Variants in RAD51B observed in about 807,000 individuals in gnomAD.
RAD51B encodes DNA repair protein RAD51 homolog 2.
RAD51B carries 38 observed loss-of-function variants against 42.2 expected under a neutral mutation model. The ratio of observed to expected loss-of-function variants is 0.90; its 90% CI spans 0.70 to 1.18. RAD51B has a LOEUF of 1.18. Ranked by LOEUF, RAD51B falls within the 50% of genes most tolerant of loss-of-function variation. RAD51B has a pLI of 0.00. For missense variants in RAD51B, 373 were observed against 400.7 expected (o/e 0.93, Z 0.59); for synonymous variants, 154 against 145.2 (o/e 1.06, Z -0.43).
chr14:67,991,111 A>T (rs1277281601), intron 7 of RAD51B, among the ~76,000 whole-genome samples: 1 of 152,174 alleles, frequency 6.6e-6, no homozygotes, highest in Non-Finnish European at 1.5e-5. Context: ...AAATCTGGGA[A>T]ACTCATTTTT....
intron 10 of RAD51B, among the ~76,000 whole-genome samples, chr14:68,644,397 A>C (rs4902624): frequency 0.9 from 137,410 of 152,178 alleles, 62,256 homozygotes; most frequent in African/African-American, 0.97. Flanking sequence ...CACTCCTCTG[A>C]CCCTCTGAGG....
At chr14:68,326,307 TAGGATTAC>T (rs1196929838) in intron 8 of RAD51B, among the ~76,000 whole-genome samples, 2 of 152,144 alleles carry the variant, frequency 1.3e-5, no homozygotes, top group Non-Finnish European at 2.9e-5. Flanking sequence ...CCCAGAGTGC[TAGGATTAC>T]AGGCATGAGC....
At chr14:68,376,636 C>T (rs1052894836) in intron 8 of RAD51B, among the ~76,000 whole-genome samples, 4 of 152,162 alleles carry the variant, frequency 2.6e-5, no homozygotes, top group African/African-American at 9.7e-5. Flanking sequence ...CGCATTCCTC[C>T]CTGGTATTCA....
intron 10 of RAD51B, among the ~76,000 whole-genome samples, chr14:68,623,752 T>C (rs1283684011): frequency 6.6e-6 from 1 of 152,068 alleles, no homozygotes; most frequent in African/African-American, 2.4e-5. Flanking sequence ...GCAGACTTCT[T>C]AGAAGGTAAT....
At chr14:68,656,992 G>A (rs1292943217) in intron 11 of RAD51B, among the ~76,000 whole-genome samples, 1 of 152,212 alleles carries the variant, frequency 6.6e-6, no homozygotes, top group Non-Finnish European at 1.5e-5. Context: ...AAACAGGAAA[G>A]AGCCTCAGTA....
At chr14:67,994,337 T>A (rs1222835429) in intron 7 of RAD51B, among the ~76,000 whole-genome samples, 1 of 152,132 alleles carries the variant, frequency 6.6e-6, no homozygotes, top group Admixed American at 6.5e-5. Flanking sequence ...AAAAGAAAGC[T>A]TTTGTAATAT....
At chr14:68,004,524 A>T (rs1482497242) in intron 7 of RAD51B, among the ~76,000 whole-genome samples, 1 of 152,116 alleles carries the variant, frequency 6.6e-6, no homozygotes, top group Non-Finnish European at 1.5e-5. Flanking sequence ...TCATGAAGAT[A>T]TGGTAAAACT....
At chr14:68,308,704 TAAAAAAAAA>T (rs67048671) in intron 8 of RAD51B, among the ~76,000 whole-genome samples, 2 of 104,338 alleles carry the variant, frequency 1.9e-5, no homozygotes, top group Non-Finnish European at 3.7e-5. Context: ...TCTGTGTCAT[TAAAAAAAAA>T]AAAAAAAAAA....
intron 8 of RAD51B, among the ~76,000 whole-genome samples, chr14:68,322,142 G>T (rs1017142593): frequency 6.6e-6 from 1 of 152,184 alleles, no homozygotes; most frequent in African/African-American, 2.4e-5. Flanking sequence ...TTAAATAAAT[G>T]TATAAAATGA....
chr14:68,123,821 C>A (rs1412098427), intron 7 of RAD51B, among the ~76,000 whole-genome samples: 4 of 152,088 alleles, frequency 2.6e-5, no homozygotes, highest in Non-Finnish European at 4.4e-5. Context: ...AAAACAAAAC[C>A]AACCAACCAA....
intron 7 of RAD51B, among the ~76,000 whole-genome samples, chr14:68,048,013 C>T (rs1022897572): frequency 2.2e-4 from 34 of 152,132 alleles, no homozygotes; most frequent in African/African-American, 8.2e-4. Flanking sequence ...GCTTTGAAAA[C>T]GATATGGAAA....
chr14:68,628,041 C>T (rs1019613938), intron 10 of RAD51B, among the ~76,000 whole-genome samples: 8 of 152,156 alleles, frequency 5.3e-5, no homozygotes, highest in African/African-American at 1.7e-4. Context: ...GAGCCGTTCA[C>T]CCAGCATAAA....
intron 10 of RAD51B, among the ~76,000 whole-genome samples, chr14:68,509,383 G>T (rs1885564121): frequency 6.6e-6 from 1 of 152,222 alleles, no homozygotes. Flanking sequence ...TCCTAGCTGT[G>T]CTGTTCCCTG....
intron 7 of RAD51B, among the ~76,000 whole-genome samples, chr14:67,953,649 A>T (rs1316106789): frequency 6.6e-6 from 1 of 152,094 alleles, no homozygotes; most frequent in East Asian, 1.9e-4. Context: ...GCCTAACATA[A>T]GGTGTGGCAG....
chr14:68,612,590 T>G (rs8017092), downstream of RAD51B, among the ~76,000 whole-genome samples: 16,187 of 151,764 alleles, frequency 0.11, 1,505 homozygotes, highest in African/African-American at 0.25. Flanking sequence ...GAAAGTAGAG[T>G]GGTGATTACC....
intron 7 of RAD51B, among the ~76,000 whole-genome samples, chr14:67,888,375 T>C (rs370596547): frequency 7.2e-5 from 11 of 152,320 alleles, no homozygotes; most frequent in African/African-American, 2.6e-4. Flanking sequence ...ATGTATATAG[T>C]TGGCCCTCTG....
At chr14:68,066,384 G>T (rs2076650449) in intron 7 of RAD51B, among the ~76,000 whole-genome samples, 1 of 152,066 alleles carries the variant, frequency 6.6e-6, no homozygotes, top group South Asian at 2.1e-4. Context: ...TTCCTCTAAA[G>T]TCCATGTACA....
intron 7 of RAD51B, among the ~76,000 whole-genome samples, chr14:68,217,684 A>C (rs943999559): frequency 6.6e-6 from 1 of 152,138 alleles, no homozygotes. Flanking sequence ...TTGTGTGGCT[A>C]TGGGCCAAAT....
chr14:68,462,701 G>T (rs2085875223), intron 9 of RAD51B, among the ~76,000 whole-genome samples: 1 of 152,120 alleles, frequency 6.6e-6, no homozygotes, highest in Non-Finnish European at 1.5e-5. Context: ...TAAAATATGG[G>T]TGACCACTTT....
Sources: gnomAD v4.1 joint callset for allele counts (sites outside exome capture counted in the v4.1 genomes callset) on GRCh38, gnomAD v4.1.1 for gene constraint, MANE v1.5 for transcripts, NCBI Gene and HGNC (gene_info 2026-07-23, HGNC 2026-07-21) for gene names.